The following FKBP5 variants were observed in gnomAD, a reference collection of about 807,000 sequenced individuals.
The protein encoded by FKBP5 is FKBP prolyl isomerase 5, also known as peptidyl-prolyl cis-trans isomerase FKBP5.
A neutral mutation model predicts 50.5 loss-of-function variants in FKBP5; 23 were observed. The observed-to-expected ratio is 0.46, with a 90% CI of 0.33 to 0.65. The LOEUF is 0.65. Among genes scored for constraint, FKBP5 ranks in the 30% least tolerant of loss-of-function variants. The pLI is 0.02. For synonymous variants in FKBP5, 176 were observed against 190.6 expected (o/e 0.92, Z 0.63); for missense variants, 411 against 553.1 (o/e 0.74, Z 2.58).
In FKBP5 at chr6:35,650,174, C is replaced by T. The variant is rs73417678; in HGVS notation, c.-19-7331G>A. Among the ~76,000 whole-genome samples the T allele has an allele frequency of 5.2e-3, 792 of 151,834 alleles. 8 individuals are homozygous for T. The highest frequency in any genetic ancestry group is 0.013 in the African/African-American group (558 of 41,426). Reference sequence around the variant, plus strand: ...ACCAGCTTGGGCAACACAGTGAGACCCGATCTCTGCTAAAAATAAAAAATA... The same window carrying T: ...ACCAGCTTGGGCAACACAGTGAGACTCGATCTCTGCTAAAAATAAAAAATA... On this transcript the variant is annotated intron_variant, in intron 1 of 10. Coordinates refer to ENST00000357266, the MANE Select transcript of FKBP5 (RefSeq NM_004117.4).
At chr6:35,711,979 T>G (rs1395661486) in intron 2 of FKBP5, among the ~76,000 whole-genome samples, 2 of 150,066 alleles carry the variant, frequency 1.3e-5, no homozygotes, top group African/African-American at 4.9e-5. Flanking sequence ...TGGCTCATGA[T>G]CCTCCTACTT....
At chr6:35,616,613 C>T (rs1188311689) in intron 5 of FKBP5, among the ~76,000 whole-genome samples, 1 of 152,108 alleles carries the variant, frequency 6.6e-6, no homozygotes, top group African/African-American at 2.4e-5. Flanking sequence ...AATTGACTCC[C>T]ATCGCAAGTA....
At chr6:35,678,320 A>G (rs1765578586) in intron 1 of FKBP5, among the ~76,000 whole-genome samples, 1 of 152,204 alleles carries the variant, frequency 6.6e-6, no homozygotes, top group African/African-American at 2.4e-5. Context: ...GACATAGACG[A>G]ATATTTAGAC....
At chr6:35,585,865 G>A in intron 8 of FKBP5, 3 of 985,334 alleles carry the variant, frequency 3.0e-6, no homozygotes, top group Non-Finnish European at 3.6e-6. Context: ...CCCTCTGGCT[G>A]TGTTAATTTT....
intron 8 of FKBP5, chr6:35,586,775 G>C: frequency 7.3e-7 from 1 of 1,367,734 alleles, no homozygotes; most frequent in African/African-American, 1.5e-5. Context: ...GTGGTGGGTG[G>C]GGATGCCAGA....
rs891070629 is a variant in FKBP5, at chr6:35,618,973, G to A, written c.508+123C>T. ...GACCTCCCAAAGTGCTGGGATTACA[G>A]GCGTGAGTCACTGCGCACAGCCGAT... On this transcript the variant is annotated intron_variant, in intron 5 of 10. Coordinates refer to ENST00000357266, the MANE Select transcript of FKBP5 (RefSeq NM_004117.4). 7.0e-5 allele frequency: 47 copies of A among 668,284 alleles called. No homozygotes were observed. In the African/African-American group the frequency reaches 7.4e-4, roughly 11 times the overall value. 41.4% of individuals were successfully genotyped at this position (668,284 alleles called of 1,614,324 possible). A position where few individuals can be genotyped will look rare whatever the true frequency, so the allele number is the denominator to read the frequency against.
At chr6:35,622,944 T>C (rs1302779944) in intron 3 of FKBP5, among the ~76,000 whole-genome samples, 1 of 152,198 alleles carries the variant, frequency 6.6e-6, no homozygotes, top group Non-Finnish European at 1.5e-5. Flanking sequence ...ATAGTTGTTT[T>C]AAGAATTATT....
Position 35,583,402 on chromosome 6 carries a change from A to G in FKBP5, c.841-3181T>C, listed in dbSNP as rs184722766. ...GCCATGGTAAAACAAAACAAAACAC[A>G]AAAAACAGGTATTAGACTTCTTAAT... On this transcript the variant is annotated intron_variant, in intron 8 of 10. Transcript: ENST00000357266. 1,867 of 985,470 alleles carry G rather than the reference A, an allele frequency of 1.9e-3. 3 individuals are homozygous for G. Among genetic ancestry groups the G allele is most frequent in the African/African-American group, 9.2e-3 (529 of 57,372 alleles). The allele number at this position is 985,470 out of a possible 1,614,324, so 61.0% of individuals were successfully genotyped here. A position where few individuals can be genotyped will look rare whatever the true frequency, so the allele number is the denominator to read the frequency against.
chr6:35,578,162 T>C (rs1201502586), intron 9 of FKBP5, among the ~76,000 whole-genome samples: 3 of 152,136 alleles, frequency 2.0e-5, no homozygotes, highest in Non-Finnish European at 1.5e-5. Context: ...GTTTCAATTA[T>C]TTTTTATTTT....
intron 5 of FKBP5, among the ~76,000 whole-genome samples, chr6:35,613,039 TC>T (rs1246990549): frequency 2.0e-5 from 3 of 152,206 alleles, no homozygotes; most frequent in Non-Finnish European, 2.9e-5. Flanking sequence ...AAAAATCAAG[TC>T]CATCACTTAC....
chr6:35,597,140 C>A, intron 6 of FKBP5, 108 bp downstream of exon 6: 1 of 1,182,646 alleles, frequency 8.5e-7, no homozygotes. Context: ...TAATTGTTTC[C>A]GTTGTTGGAT....
chr6:35,685,409 G>T (rs906085762), intron 1 of FKBP5, among the ~76,000 whole-genome samples: 4 of 152,108 alleles, frequency 2.6e-5, no homozygotes, highest in African/African-American at 4.8e-5. Flanking sequence ...TACTTTTGGG[G>T]ATATGATGTC....
intron 5 of FKBP5, among the ~76,000 whole-genome samples, chr6:35,605,172 G>A (rs774034574): frequency 9.2e-5 from 14 of 151,876 alleles, no homozygotes; most frequent in Non-Finnish European, 1.8e-4. Flanking sequence ...GGGTGATTTG[G>A]AAATTCTACA....
intron 5 of FKBP5, among the ~76,000 whole-genome samples, chr6:35,611,798 A>G (rs550309551): frequency 2.0e-5 from 3 of 152,336 alleles, no homozygotes; most frequent in South Asian, 4.1e-4. Context: ...CCTCATATAA[A>G]GAGTAAAAAT....
chr6:35,586,691 C>A, intron 8 of FKBP5: 1 of 1,094,776 alleles, frequency 9.1e-7, no homozygotes, highest in Non-Finnish European at 1.1e-6. Context: ...TCTATTCATT[C>A]TTTTTTCATT....
chr6:35,682,998 G>GT (rs1765713616), intron 1 of FKBP5, among the ~76,000 whole-genome samples: 1 of 150,118 alleles, frequency 6.7e-6, no homozygotes, highest in Non-Finnish European at 1.5e-5. Context: ...TCTTTAAAAT[G>GT]TATGTATGTG....
intron 1 of FKBP5, among the ~76,000 whole-genome samples, chr6:35,686,767 T>C (rs1481512396): frequency 6.6e-6 from 1 of 152,192 alleles, no homozygotes; most frequent in East Asian, 1.9e-4. Flanking sequence ...ATATGCATTA[T>C]TTTCCAAGAA....
intron 2 of FKBP5, among the ~76,000 whole-genome samples, chr6:35,640,600 T>G (rs569336669): frequency 1.4e-3 from 212 of 152,314 alleles, no homozygotes; most frequent in African/African-American, 4.5e-3. Flanking sequence ...TAAATCAATC[T>G]TAGCTTACTA....
At chr6:35,696,668 C>A (rs773168433) in intron 2 of FKBP5, among the ~76,000 whole-genome samples, 1 of 152,106 alleles carries the variant, frequency 6.6e-6, no homozygotes, top group Non-Finnish European at 1.5e-5. Flanking sequence ...CCATCAGAAT[C>A]TGAGATGACT....
Sources: allele counts gnomAD v4.1 joint callset (sites outside exome capture counted in the v4.1 genomes callset), GRCh38; gene constraint gnomAD v4.1.1; transcripts MANE v1.5; gene names NCBI Gene and HGNC (gene_info 2026-07-23, HGNC 2026-07-21).